PRDM5: variants seen among roughly 807,000 people sequenced by gnomAD.
PRDM5 encodes the protein PR/SET domain 5.
PRDM5 carries 56 observed loss-of-function variants against 81.2 expected under a neutral mutation model. The ratio of observed to expected loss-of-function variants is 0.69; its 90% CI spans 0.56 to 0.86. The LOEUF is 0.86. PRDM5 is among the 40% of genes least tolerant of loss of function. The probability of loss-of-function intolerance (pLI) is 0.00; values close to 1 mark genes in which losing one functional copy is unlikely to be tolerated. For synonymous variants in PRDM5, 267 were observed against 256.4 expected, an observed-to-expected ratio of 1.04 and a Z score of -0.39; for missense variants, 697 against 770.1, an observed-to-expected ratio of 0.91 and a Z score of 1.12.
At chr4:120,787,050 A>G (rs913457571) in intron 10 of PRDM5, among the ~76,000 whole-genome samples, 19 of 152,232 alleles carry the variant, frequency 1.2e-4, no homozygotes, top group Admixed American at 1.0e-3. Flanking sequence ...AAACAAATGA[A>G]AAAGTATGTA....
intron 14 of PRDM5, among the ~76,000 whole-genome samples, chr4:120,723,144 A>G (rs1738873811): frequency 6.6e-6 from 1 of 152,228 alleles, no homozygotes; most frequent in Non-Finnish European, 1.5e-5. Context: ...GAAGCATAGC[A>G]CTGACAATGA....
intron 14 of PRDM5, among the ~76,000 whole-genome samples, chr4:120,713,278 G>A (rs1256056945): frequency 6.6e-6 from 1 of 151,956 alleles, no homozygotes; most frequent in African/African-American, 2.4e-5. Flanking sequence ...ATTAGTATTT[G>A]CCTGCTATAC....
chr4:120,744,737 G>A (rs1025344751), intron 14 of PRDM5, among the ~76,000 whole-genome samples: 54 of 151,300 alleles, frequency 3.6e-4, no homozygotes, highest in Non-Finnish European at 5.9e-4. Context: ...CCAGGAAGAA[G>A]TTGAATCTCT....
intron 10 of PRDM5, among the ~76,000 whole-genome samples, chr4:120,786,386 C>T (rs1749764925): frequency 1.3e-5 from 2 of 151,744 alleles, no homozygotes; most frequent in Non-Finnish European, 2.9e-5. Context: ...CATGGAAATA[C>T]ATAGATCAAT....
chr4:120,871,629 AT>A (rs1413055668), intron 2 of PRDM5, among the ~76,000 whole-genome samples: 13 of 152,346 alleles, frequency 8.5e-5, no homozygotes, highest in South Asian at 6.2e-4. Flanking sequence ...AGTATCCTCC[AT>A]CGTAAACTTA....
At chr4:120,856,987 G>A (rs1759949776) in intron 2 of PRDM5, among the ~76,000 whole-genome samples, 1 of 152,150 alleles carries the variant, frequency 6.6e-6, no homozygotes. Context: ...TCATCGTGTA[G>A]TAAAAACCAC....
At chr4:120,715,178 A>C (rs945727424) in intron 14 of PRDM5, among the ~76,000 whole-genome samples, 12 of 152,120 alleles carry the variant, frequency 7.9e-5, no homozygotes, top group African/African-American at 2.9e-4. Context: ...TGCATCCTCA[A>C]CTTGAACTTA....
chr4:120,893,204 T>G (rs1400289159), intron 2 of PRDM5, among the ~76,000 whole-genome samples: 1 of 152,192 alleles, frequency 6.6e-6, no homozygotes, highest in Non-Finnish European at 1.5e-5. Context: ...GAGGTCCCTA[T>G]GGAAAGTGTG....
chr4:120,718,501 C>A (rs1165259877), intron 14 of PRDM5, among the ~76,000 whole-genome samples: 1 of 152,126 alleles, frequency 6.6e-6, no homozygotes, highest in African/African-American at 2.4e-5. Context: ...CTAAAAAATT[C>A]ATAAGGGACT....
chr4:120,839,315 T>C, intron 3 of PRDM5: 1 of 702,760 alleles, frequency 1.4e-6, no homozygotes. Context: ...AAGTAGAAGG[T>C]AAGCAAGATG....
intron 13 of PRDM5, among the ~76,000 whole-genome samples, 170 bp from the exon 14 acceptor site, chr4:120,754,808 C>A (rs1744494552): frequency 6.6e-6 from 1 of 152,218 alleles, no homozygotes; most frequent in African/African-American, 2.4e-5. Flanking sequence ...TGCAGGACAG[C>A]AGTGGACTGT....
chr4:120,697,173 A>G (rs867963023), intron 15 of PRDM5, among the ~76,000 whole-genome samples: 34 of 152,220 alleles, frequency 2.2e-4, no homozygotes, highest in African/African-American at 7.0e-4. Flanking sequence ...TACTTGAGAA[A>G]TACATTTACA....
intron 3 of PRDM5, among the ~76,000 whole-genome samples, chr4:120,851,878 T>A (rs1759313094): frequency 1.3e-5 from 2 of 152,144 alleles, no homozygotes; most frequent in Admixed American, 1.3e-4. Flanking sequence ...TCTTGAACAG[T>A]GTACATGGTA....
intron 10 of PRDM5, among the ~76,000 whole-genome samples, chr4:120,791,996 G>T (rs1322752319): frequency 1.3e-5 from 2 of 152,106 alleles, no homozygotes; most frequent in East Asian, 3.9e-4. Context: ...CTCCAGAACT[G>T]TGAGAAATAA....
chr4:120,737,660 T>C (rs749053743), intron 14 of PRDM5, among the ~76,000 whole-genome samples: 1 of 152,188 alleles, frequency 6.6e-6, no homozygotes, highest in African/African-American at 2.4e-5. Flanking sequence ...TGCCTTCTCA[T>C]ACCTTCTTGT....
chr4:120,877,758 T>C (rs1762464019), intron 2 of PRDM5, among the ~76,000 whole-genome samples: 1 of 152,140 alleles, frequency 6.6e-6, no homozygotes, highest in Non-Finnish European at 1.5e-5. Flanking sequence ...TGAGCCAAGA[T>C]TGTGCCACTG....
chr4:120,729,937 T>C (rs777574854), intron 14 of PRDM5, among the ~76,000 whole-genome samples: 12 of 152,180 alleles, frequency 7.9e-5, no homozygotes, highest in Admixed American at 6.5e-5. Flanking sequence ...GGGAGTCCGG[T>C]AGACCCAAGA....
At chr4:120,921,488 TCAC>T (rs1208851973) in intron 1 of PRDM5, among the ~76,000 whole-genome samples, 1 of 152,150 alleles carries the variant, frequency 6.6e-6, no homozygotes, top group Non-Finnish European at 1.5e-5. Context: ...CTACTACTCT[TCAC>T]CAGCTCTTTA....
intron 2 of PRDM5, among the ~76,000 whole-genome samples, chr4:120,889,092 A>AT (rs1763776348): frequency 6.6e-6 from 1 of 151,936 alleles, no homozygotes; most frequent in Non-Finnish European, 1.5e-5. Context: ...CCAATTTATC[A>AT]TTTTTCCACT....
Sources: gnomAD v4.1 joint callset for allele counts (sites outside exome capture counted in the v4.1 genomes callset) on GRCh38, gnomAD v4.1.1 for gene constraint, MANE v1.5 for transcripts, NCBI Gene and HGNC (gene_info 2026-07-23, HGNC 2026-07-21) for gene names.